ARHGAP8: variants seen among roughly 807,000 people sequenced by gnomAD.
ARHGAP8 encodes the protein Rho GTPase activating protein 8.
ARHGAP8 carries 62 observed loss-of-function variants against 46.1 expected under a neutral mutation model. The ratio of observed to expected loss-of-function variants is 1.34; its 90% CI spans 1.10 to 1.66. The LOEUF is 1.66. ARHGAP8 is among the 40% of genes most tolerant of loss of function. ARHGAP8 has a pLI of 0.00. For missense variants in ARHGAP8, 923 were observed against 568.4 expected (o/e 1.62, Z -6.34); for synonymous variants, 375 against 243.1 (o/e 1.54, Z -5.05).
intron 3 of ARHGAP8, among the ~76,000 whole-genome samples, chr22:44,803,373 T>C (rs1280134925): frequency 2.0e-5 from 3 of 152,150 alleles, no homozygotes; most frequent in East Asian, 3.9e-4. Flanking sequence ...CCAAACTAAC[T>C]TGGGCAAGGA....
chr22:44,772,246 T>C, intron 1 of ARHGAP8, among the ~76,000 whole-genome samples: 1 of 134,922 alleles, frequency 7.4e-6, no homozygotes, highest in Non-Finnish European at 1.6e-5. Flanking sequence ...TTTTTTTTTT[T>C]TTTTTTTCAA....
chr22:44,857,739 G>A (rs758792104), intron 10 of ARHGAP8, among the ~76,000 whole-genome samples: 32 of 152,288 alleles, frequency 2.1e-4, no homozygotes, highest in Non-Finnish European at 4.0e-4. Flanking sequence ...GAGAGTCCTC[G>A]AGGCCCAGCC....
At chr22:44,794,152 G>A (rs577739820) in intron 2 of ARHGAP8, among the ~76,000 whole-genome samples, 2 of 152,314 alleles carry the variant, frequency 1.3e-5, no homozygotes, top group South Asian at 4.1e-4. Flanking sequence ...ATGGGACACA[G>A]CACTTCTGGA....
chr22:44,758,311 A>G (rs1924849933), intron 1 of ARHGAP8, among the ~76,000 whole-genome samples: 1 of 151,956 alleles, frequency 6.6e-6, no homozygotes, highest in South Asian at 2.1e-4. Context: ...AAACCCAGCT[A>G]CTCGGGAGGC....
chr22:44,760,248 T>C (rs1925027862), intron 1 of ARHGAP8, among the ~76,000 whole-genome samples: 1 of 152,184 alleles, frequency 6.6e-6, no homozygotes, highest in African/African-American at 2.4e-5. Flanking sequence ...AACGAATTCA[T>C]GCATAGCTGA....
chr22:44,815,018 A>G (rs1390454449), intron 5 of ARHGAP8, among the ~76,000 whole-genome samples: 1 of 152,030 alleles, frequency 6.6e-6, no homozygotes, highest in Admixed American at 6.5e-5. Context: ...GAGCCCCCAC[A>G]CTGTGTGACC....
chr22:44,856,398 C>T (rs2070226031), intron 10 of ARHGAP8, among the ~76,000 whole-genome samples: 1 of 151,538 alleles, frequency 6.6e-6, no homozygotes, highest in African/African-American at 2.4e-5. Context: ...CTCAGGCTCC[C>T]AAGTATCTGG....
intron 4 of ARHGAP8, among the ~76,000 whole-genome samples, chr22:44,813,370 C>T (rs2069575488): frequency 6.8e-6 from 1 of 147,964 alleles, no homozygotes; most frequent in South Asian, 2.1e-4. Flanking sequence ...CACCTACATA[C>T]ACACATACCC....
chr22:44,776,339 C>G (rs1926415953), intron 1 of ARHGAP8, among the ~76,000 whole-genome samples: 1 of 151,978 alleles, frequency 6.6e-6, no homozygotes, highest in African/African-American at 2.4e-5. Flanking sequence ...GTAATCCCAG[C>G]TACTCGGGAG....
chr22:44,775,609 G>T (rs552881967), intron 1 of ARHGAP8, among the ~76,000 whole-genome samples: 1 of 152,004 alleles, frequency 6.6e-6, no homozygotes, highest in East Asian at 1.9e-4. Flanking sequence ...CACCACGCCC[G>T]GCTAATTTTT....
chr22:44,810,773 G>A (rs1223034401), intron 4 of ARHGAP8, among the ~76,000 whole-genome samples: 1 of 152,150 alleles, frequency 6.6e-6, no homozygotes, highest in Non-Finnish European at 1.5e-5. Flanking sequence ...GCAATTGGTG[G>A]GGGTCTGGTC....
chr22:44,807,119 C>G (rs1928985519), intron 3 of ARHGAP8, among the ~76,000 whole-genome samples: 1 of 152,160 alleles, frequency 6.6e-6, no homozygotes, highest in South Asian at 2.1e-4. Context: ...GCAGAGCACC[C>G]CACCCACAGC....
Position 44,832,588 on chromosome 22 carries a change from T to A in ARHGAP8, c.596+6995T>A, listed in dbSNP as rs186444154. Reference sequence around the variant, plus strand: ...TGCTAGGTTCTAGAAATACATTTTTTAAATATGTTGATCTTGTATCATGCA... The same window carrying A: ...TGCTAGGTTCTAGAAATACATTTTTAAAATATGTTGATCTTGTATCATGCA... On this transcript the variant is annotated intron_variant, in intron 7 of 11. Coordinates refer to ENST00000356099, the MANE Select transcript of ARHGAP8 (RefSeq NM_181335.3). 6.5e-3 allele frequency among the ~76,000 whole-genome samples: 986 copies of A among 152,326 alleles called. 12 individuals carry two copies. Among genetic ancestry groups the A allele is most frequent in the African/African-American group, 0.023 (949 of 41,582 alleles).
intron 11 of ARHGAP8, among the ~76,000 whole-genome samples, chr22:44,861,589 T>G (rs2070487980): frequency 6.6e-6 from 1 of 152,216 alleles, no homozygotes; most frequent in African/African-American, 2.4e-5. Flanking sequence ...CACCGCCTCA[T>G]GACCCCTGTT....
rs879733331 is a variant in ARHGAP8 at position 44,753,841 on chromosome 22, C to T, written c.-72+1214C>T. ...CCAGAGAGCTCTGTGCCGTCCCTCG[C>T]TTGCCTGTGAAATGCAGTGTTGGCA... On this transcript the variant is annotated intron_variant, in intron 1 of 11. Coordinates refer to ENST00000356099, the MANE Select transcript of ARHGAP8 (RefSeq NM_181335.3). 5.1e-4 allele frequency among the ~76,000 whole-genome samples: 77 copies of T among 151,680 alleles called. 1 individual carries two copies. Among genetic ancestry groups the T allele is most frequent in the Non-Finnish European group, 1.5e-4 (10 of 67,914 alleles).
chr22:44,812,511 C>G (rs1321675458), intron 4 of ARHGAP8, among the ~76,000 whole-genome samples: 1 of 151,890 alleles, frequency 6.6e-6, no homozygotes, highest in Non-Finnish European at 1.5e-5. Context: ...TGTGCACTAC[C>G]ACGCCCGGCT....
chr22:44,771,516 G>A (rs1456202881), intron 1 of ARHGAP8, among the ~76,000 whole-genome samples: 1 of 148,682 alleles, frequency 6.7e-6, no homozygotes, highest in Non-Finnish European at 1.5e-5. Context: ...CAAAGTGCTG[G>A]GATTACAGGT....
intron 7 of ARHGAP8, among the ~76,000 whole-genome samples, chr22:44,844,029 T>G (rs1460439666): frequency 1.3e-5 from 2 of 152,128 alleles, no homozygotes; most frequent in Non-Finnish European, 2.9e-5. Context: ...TGGAGTGCAG[T>G]GGTGCGATCT....
chr22:44,846,122 A>T (rs772959167), intron 8 of ARHGAP8, among the ~76,000 whole-genome samples: 6 of 152,124 alleles, frequency 3.9e-5, no homozygotes, highest in Non-Finnish European at 7.4e-5. Context: ...GACCCCCTAA[A>T]GCAGACCCCA....
Sources: allele counts gnomAD v4.1 joint callset (sites outside exome capture counted in the v4.1 genomes callset), GRCh38; gene constraint gnomAD v4.1.1; transcripts MANE v1.5; gene names NCBI Gene and HGNC (gene_info 2026-07-23, HGNC 2026-07-21).